Variants in PFKFB3 observed in about 807,000 individuals in gnomAD.
PFKFB3 encodes the protein 6-phosphofructo-2-kinase/fructose-2,6-biphosphatase 3.
PFKFB3 carries 33 observed loss-of-function variants against 68.0 expected under a neutral mutation model. The ratio of observed to expected loss-of-function variants is 0.49; its 90% confidence interval spans 0.37 to 0.65. The LOEUF (loss-of-function observed/expected upper bound fraction) is 0.65. PFKFB3 is among the 30% of genes least tolerant of loss of function. The probability of loss-of-function intolerance (pLI) is 0.00; values close to 1 mark genes in which losing one functional copy is unlikely to be tolerated. For missense variants in PFKFB3, 586 were observed against 712.2 expected, an observed-to-expected ratio of 0.82 and a Z score of 2.02; for synonymous variants, 315 against 288.2, an observed-to-expected ratio of 1.09 and a Z score of -0.94.
intron 1 of PFKFB3, among the ~76,000 whole-genome samples, chr10:6,156,955 G>A (rs940589809): frequency 6.6e-6 from 1 of 151,342 alleles, no homozygotes; most frequent in Non-Finnish European, 1.5e-5. Flanking sequence ...AGCTGGGCGT[G>A]GTGGCAGGCA....
the PFKFB3 span, among the ~76,000 whole-genome samples, chr10:6,323,889 C>T: frequency 4.6e-5 from 7 of 152,268 alleles, no homozygotes; most frequent in East Asian, 1.9e-4. Context: ...CGCGTGATTC[C>T]GCCATTCTAC....
the PFKFB3 span, among the ~76,000 whole-genome samples, chr10:6,311,378 C>G: frequency 1.3e-5 from 2 of 152,178 alleles, no homozygotes; most frequent in Non-Finnish European, 2.9e-5. Flanking sequence ...CTTTTGCTCT[C>G]CCTAATTCCT....
chr10:6,155,428 T>A (rs1012927136), intron 1 of PFKFB3, among the ~76,000 whole-genome samples: 4 of 152,008 alleles, frequency 2.6e-5, no homozygotes, highest in Non-Finnish European at 4.4e-5. Flanking sequence ...ATGGTCTCGA[T>A]CTCCTGACCT....
chr10:6,215,627 C>T lies in PFKFB3; in HGVS notation c.299+310C>T, dbSNP rs980822283. On this transcript the variant is annotated intron_variant, in intron 3 of 14. Transcript: ENST00000379775. The surrounding 1 kb of genome is among the most constrained non-coding windows in gnomAD (Gnocchi z 4.3). ...CTGAGGGTCTCGCTGAGCTGACCCT[C>T]ACTGGGACAGAGCCGCAGAAGCACC... Among the ~76,000 whole-genome samples the T allele has an allele frequency of 6.6e-6, 1 of 152,176 alleles. No individual in the cohort carries two copies. Among genetic ancestry groups the T allele is most frequent in the Non-Finnish European group, 1.5e-5 (1 of 68,028 alleles).
intron 1 of PFKFB3, among the ~76,000 whole-genome samples, chr10:6,175,482 G>A (rs1732794972): frequency 6.6e-6 from 1 of 152,246 alleles, no homozygotes; most frequent in South Asian, 2.1e-4. Context: ...AGATGGCACA[G>A]CTGGGGCACC....
intron 10 of PFKFB3, 91 bp downstream of exon 10, chr10:6,221,836 G>A (rs955427564): frequency 2.9e-5 from 25 of 852,268 alleles, no homozygotes; most frequent in South Asian, 1.9e-4. Flanking sequence ...GTTCACTTCC[G>A]TGTGGGTTCT....
intron 1 of PFKFB3, among the ~76,000 whole-genome samples, chr10:6,148,656 G>A (rs933385313): frequency 3.3e-5 from 5 of 152,184 alleles, no homozygotes; most frequent in Admixed American, 2.0e-4. Flanking sequence ...TTCATGAGAC[G>A]AAAAGGAGGC....
the PFKFB3 span, among the ~76,000 whole-genome samples, chr10:6,321,676 C>T: frequency 8.5e-5 from 13 of 152,220 alleles, no homozygotes; most frequent in African/African-American, 2.7e-4. Context: ...CTCACTCACC[C>T]AACCCTGGTT....
At chr10:6,208,225 C>T (rs963623654) in intron 1 of PFKFB3, among the ~76,000 whole-genome samples, 2 of 152,104 alleles carry the variant, frequency 1.3e-5, no homozygotes, top group African/African-American at 2.4e-5. Context: ...GCATGTGCTA[C>T]TGCGCCCAGC....
chr10:6,225,674 G>T (rs1486307186), intron 13 of PFKFB3, among the ~76,000 whole-genome samples: 1 of 151,888 alleles, frequency 6.6e-6, no homozygotes, highest in East Asian at 1.9e-4. Context: ...TTGGTCTCCA[G>T]GCTTGTTTTG....
intron 1 of PFKFB3, among the ~76,000 whole-genome samples, chr10:6,156,909 T>C (rs117812003): frequency 0.011 from 1,643 of 151,264 alleles, 66 homozygotes; most frequent in East Asian, 0.098. Flanking sequence ...CTGGGCAACA[T>C]GGCAAACCCT....
chr10:6,168,303 T>C (rs185917384), intron 1 of PFKFB3, among the ~76,000 whole-genome samples: 2 of 152,282 alleles, frequency 1.3e-5, no homozygotes, highest in Admixed American at 1.3e-4. Flanking sequence ...TCATCAGCTG[T>C]CCTAGAATGT....
At chr10:6,166,218 G>A (rs866961021) in intron 1 of PFKFB3, among the ~76,000 whole-genome samples, 1 of 152,058 alleles carries the variant, frequency 6.6e-6, no homozygotes, top group African/African-American at 2.4e-5. Context: ...CTGAGCTCAG[G>A]TGATCCGCCC....
downstream of PFKFB3, among the ~76,000 whole-genome samples, chr10:6,239,854 A>G (rs1846100791): frequency 6.6e-6 from 1 of 152,004 alleles, no homozygotes; most frequent in Admixed American, 6.6e-5. Context: ...TTGTATTTTT[A>G]GTAGAGATGG....
intron 1 of PFKFB3, among the ~76,000 whole-genome samples, chr10:6,170,949 G>A (rs1447514192): frequency 6.6e-6 from 1 of 152,168 alleles, no homozygotes; most frequent in African/African-American, 2.4e-5. Context: ...GGGAAGACAG[G>A]ATACCCTCAG....
At chr10:6,302,509 G>A in the PFKFB3 span, among the ~76,000 whole-genome samples, 3 of 147,668 alleles carry the variant, frequency 2.0e-5, no homozygotes, top group Non-Finnish European at 4.5e-5. Flanking sequence ...AGCCTCCCAA[G>A]TAGCTGGGAT....
chr10:6,203,101 C>G lies in PFKFB3; in HGVS notation c.-160C>G. 5 of 1,462,782 alleles carry G rather than the reference C, an allele frequency of 3.4e-6. No homozygotes were observed. Among genetic ancestry groups the G allele is most frequent in the South Asian group, 1.4e-5 (1 of 71,180 alleles). The allele number at this position is 1,462,782 out of a possible 1,614,324, so 90.6% of individuals were successfully genotyped here. Reference sequence around the variant, plus strand: ...GCCCCGCACAGGCGAGGGTCCGGAACTTAGCCCAAAGCACGTTTCCCCTGG... The same window carrying G: ...GCCCCGCACAGGCGAGGGTCCGGAAGTTAGCCCAAAGCACGTTTCCCCTGG... On this transcript the variant is annotated 5_prime_UTR_variant, in exon 1 of 15. Coordinates refer to ENST00000379775, the MANE Select transcript of PFKFB3 (RefSeq NM_004566.4).
intron 2 of PFKFB3, among the ~76,000 whole-genome samples, chr10:6,214,137 T>C (rs989088504): frequency 1.3e-5 from 2 of 152,236 alleles, no homozygotes; most frequent in Non-Finnish European, 2.9e-5. Context: ...TGGACTGCTA[T>C]GTTGGGTGGC....
chr10:6,217,927 T>C lies in PFKFB3; in HGVS notation c.498+736T>C, dbSNP rs1335882497. ...CTGAAAACTTAACACTGGGACGCTGTGGTGCTGGCATCTTTGCACCTTTAG... is the reference window on the plus strand; with the variant it reads ...CTGAAAACTTAACACTGGGACGCTGCGGTGCTGGCATCTTTGCACCTTTAG... On this transcript the variant is annotated intron_variant, in intron 6 of 14. Coordinates refer to ENST00000379775, the MANE Select transcript of PFKFB3 (RefSeq NM_004566.4). Among the ~76,000 whole-genome samples the C allele has an allele frequency of 2.0e-5, 3 of 152,210 alleles. No individual in the cohort carries two copies. The East Asian group carries it at 5.8e-4, about 29-fold the overall frequency.
Sources: gnomAD v4.1 joint callset for allele counts (sites outside exome capture counted in the v4.1 genomes callset) on GRCh38, gnomAD v4.1.1 for gene constraint, Gnocchi (gnomAD v3.1) non-coding constraint, MANE v1.5 for transcripts, NCBI Gene and HGNC (gene_info 2026-07-23, HGNC 2026-07-21) for gene names.